Variants in OARD1 observed in about 807,000 individuals in gnomAD.
The protein encoded by OARD1 is ADP-ribose glycohydrolase OARD1.
In OARD1, 19 loss-of-function variants were observed where a neutral mutation model predicts 19.7. The ratio of observed to expected loss-of-function variants is 0.96; its 90% CI spans 0.67 to 1.41. OARD1 has a LOEUF of 1.41. Ranked by LOEUF, OARD1 falls within the 40% of genes most tolerant of loss-of-function variation. The pLI is 0.00. For synonymous variants in OARD1, 70 were observed against 61.8 expected, an observed-to-expected ratio of 1.13 and a Z score of -0.62; for missense variants, 190 against 183.8, an observed-to-expected ratio of 1.03 and a Z score of -0.20.
At chr6:41,090,396 G>A in intron 1 of OARD1, 4 of 690,958 alleles carry the variant, frequency 5.8e-6, no homozygotes, top group South Asian at 5.3e-5. Flanking sequence ...TTTGAGTGGT[G>A]AACTTGACAC....
intron 1 of OARD1, among the ~76,000 whole-genome samples, chr6:41,089,391 C>T (rs989521279): frequency 6.6e-6 from 1 of 152,202 alleles, no homozygotes; most frequent in East Asian, 1.9e-4. Flanking sequence ...CAGACAGTGT[C>T]GAAATTCCCT....
rs1762956169 is a variant in OARD1 at position 41,065,107 on chromosome 6, G to A, written c.*2228C>T. The A allele has an allele frequency of 1.3e-5, 2 of 152,132 alleles. No individual in the cohort carries two copies. Among genetic ancestry groups the A allele is most frequent in the Admixed American group, 6.5e-5 (1 of 15,284 alleles). The allele number at this position is 152,132 out of a possible 1,614,324, so 9.4% of individuals were successfully genotyped here. On this transcript the variant is annotated 3_prime_UTR_variant, in exon 6 of 6. Coordinates refer to ENST00000424266, the MANE Select transcript of OARD1 (RefSeq NM_001329686.2). ...TGACCCAAGACTACTATCGGCAAATGACAAAGTGCTTTATCACATTCCTGC... is the reference window on the plus strand; with the variant it reads ...TGACCCAAGACTACTATCGGCAAATAACAAAGTGCTTTATCACATTCCTGC...
intron 1 of OARD1, chr6:41,091,778 C>T (rs1764201981): frequency 5.4e-6 from 8 of 1,483,976 alleles, no homozygotes; most frequent in African/African-American, 1.4e-5. Context: ...TTATGTTGAC[C>T]TCTTGGGATT....
chr6:41,074,120 TTG>T (rs1460066770), upstream of OARD1, among the ~76,000 whole-genome samples: 1 of 152,238 alleles, frequency 6.6e-6, no homozygotes, highest in African/African-American at 2.4e-5. Flanking sequence ...TTTTTTCCCT[TTG>T]TTTTTGCCTT....
chr6:41,090,271 A>G lies in OARD1; in HGVS notation c.-42+7442T>C, dbSNP rs756585756. 6 of 1,614,032 alleles carry G rather than the reference A, an allele frequency of 3.7e-6. No individual in the cohort carries two copies. Among genetic ancestry groups the G allele is most frequent in the South Asian group, 2.2e-5 (2 of 91,076 alleles). On this transcript the variant is annotated intron_variant, in intron 1 of 4. Transcript: ENST00000480585. ...ACTGCTGAAGGGCAGACCATCGTCT[A>G]TCAACCAGTTAATGCAGATGGCACC... is the stretch of plus-strand genomic sequence containing the variant.
At chr6:41,082,026 G>T (rs980779566) in intron 1 of OARD1, among the ~76,000 whole-genome samples, 2 of 152,126 alleles carry the variant, frequency 1.3e-5, no homozygotes, top group Non-Finnish European at 2.9e-5. Flanking sequence ...TGAGAAATTG[G>T]CAAGATTTGG....
At chr6:41,094,785 A>G (rs902822806) in intron 1 of OARD1, among the ~76,000 whole-genome samples, 4 of 152,210 alleles carry the variant, frequency 2.6e-5, no homozygotes, top group African/African-American at 7.2e-5. Flanking sequence ...AAAAAAATAC[A>G]AAAACTAGCC....
intron 1 of OARD1, among the ~76,000 whole-genome samples, chr6:41,091,229 G>A (rs9296354): frequency 0.22 from 33,656 of 152,118 alleles, 5,396 homozygotes; most frequent in African/African-American, 0.45. Context: ...AGGTATAGCT[G>A]TAGTCAGACT....
At chr6:41,085,109 GAATT>G (rs540333873) in intron 1 of OARD1, among the ~76,000 whole-genome samples, 71 of 152,166 alleles carry the variant, frequency 4.7e-4, no homozygotes, top group African/African-American at 1.6e-3. Context: ...TGGAGAAAAA[GAATT>G]AATCATTATT....
chr6:41,089,605 C>T (rs781620237), intron 1 of OARD1: 55 of 1,612,318 alleles, frequency 3.4e-5, no homozygotes, highest in Non-Finnish European at 4.5e-5. Flanking sequence ...CTGGACAGAT[C>T]CAGATCCAGG....
At chr6:41,067,710 G>A (rs1172215250) in intron 5 of OARD1, among the ~76,000 whole-genome samples, 1 of 152,168 alleles carries the variant, frequency 6.6e-6, no homozygotes, top group Non-Finnish European at 1.5e-5. Flanking sequence ...ATGTGTAACT[G>A]TCATGACATT....
rs1247260447 is a variant in OARD1, at chr6:41,065,397, A to C, written c.*1938T>G. Reference sequence around the variant, plus strand: ...ACACCCTTCAACTGAACTCAACTTAAGATGGGGTTACCCAGACATAGACCT... The same window carrying C: ...ACACCCTTCAACTGAACTCAACTTACGATGGGGTTACCCAGACATAGACCT... On this transcript the variant is annotated 3_prime_UTR_variant, in exon 6 of 6. Coordinates refer to ENST00000424266, the MANE Select transcript of OARD1 (RefSeq NM_001329686.2). 2 of 152,240 alleles carry C rather than the reference A, an allele frequency of 1.3e-5. No homozygotes were observed. The highest frequency in any genetic ancestry group is 2.9e-5 in the Non-Finnish European group (2 of 68,044). The allele number at this position is 152,240 out of a possible 1,614,324, so 9.4% of individuals were successfully genotyped here. A position where few individuals can be genotyped will look rare whatever the true frequency, so the allele number is the denominator to read the frequency against.
intron 1 of OARD1, chr6:41,094,430 T>A: frequency 6.2e-7 from 1 of 1,614,230 alleles, no homozygotes; most frequent in Non-Finnish European, 8.5e-7. Flanking sequence ...CGTCATGCCA[T>A]GGCACGGAAG....
chr6:41,071,755 A>G (rs1025383616), intron 1 of OARD1, 80 bp from the exon 2 acceptor site: 11 of 782,722 alleles, frequency 1.4e-5, no homozygotes, highest in Non-Finnish European at 2.4e-5. Context: ...CAACCACTTA[A>G]TAGGCTTTTT....
At chr6:41,082,211 G>A (rs1173951115) in intron 1 of OARD1, among the ~76,000 whole-genome samples, 1 of 152,142 alleles carries the variant, frequency 6.6e-6, no homozygotes, top group Non-Finnish European at 1.5e-5. Flanking sequence ...AATAGTGTTT[G>A]GTAATGATGT....
chr6:41,088,849 G>A (rs954694476), intron 1 of OARD1, among the ~76,000 whole-genome samples: 4 of 152,044 alleles, frequency 2.6e-5, no homozygotes. Context: ...CTGAAGTGCT[G>A]GGATTATGGG....
At chr6:41,073,639 G>A (rs562796614), upstream of OARD1, among the ~76,000 whole-genome samples, 5 of 152,150 alleles carry the variant, frequency 3.3e-5, no homozygotes, top group South Asian at 1.0e-3. Context: ...GGCCTGGGGA[G>A]GGTGCGCGCC....
At chr6:41,074,434 A>AAGTTCAGT (rs1176165705), upstream of OARD1, among the ~76,000 whole-genome samples, 1 of 152,232 alleles carries the variant, frequency 6.6e-6, no homozygotes, top group African/African-American at 2.4e-5. Flanking sequence ...GGTTAGTGCT[A>AAGTTCAGT]TAAAGGGGCC....
chr6:41,096,954 T>C lies in OARD1; in HGVS notation c.-42+759A>G, dbSNP rs141483237. ...TTCTAATGATTCTTTCTAGCCCTGC[T>C]AAGTACTCAGTATTTAAATGATGAT... is the stretch of plus-strand genomic sequence containing the variant. On this transcript the variant is annotated intron_variant, in intron 1 of 4. Transcript: ENST00000480585. Among the ~76,000 whole-genome samples, 101 of 152,358 alleles carry C rather than the reference T, an allele frequency of 6.6e-4. 1 individual carries two copies. In the East Asian group the frequency reaches 0.016, roughly 24 times the overall value.
Sources: allele counts gnomAD v4.1 joint callset (sites outside exome capture counted in the v4.1 genomes callset), GRCh38; gene constraint gnomAD v4.1.1; transcripts MANE v1.5; gene names NCBI Gene and HGNC (gene_info 2026-07-23, HGNC 2026-07-21).